NIBAN3: variants seen among roughly 807,000 people sequenced by gnomAD.
NIBAN3 encodes niban apoptosis regulator 3.
NIBAN3 carries 66 observed loss-of-function variants against 76.4 expected under a neutral mutation model. The ratio of observed to expected loss-of-function variants is 0.86; its 90% CI spans 0.71 to 1.06. The LOEUF (loss-of-function observed/expected upper bound fraction) is 1.06, where lower values mean the gene tolerates loss of function less well. Ranked by LOEUF, NIBAN3 falls within the 50% of genes least tolerant of loss-of-function variation. The pLI, the probability that NIBAN3 is intolerant of heterozygous loss-of-function variation, is 0.00. For missense variants in NIBAN3, 808 were observed against 810.7 expected (o/e 1.00, Z 0.04); for synonymous variants, 360 against 355.2 (o/e 1.01, Z -0.15).
At chr19:17,551,320 C>A (rs2076152175) in intron 14 of NIBAN3, among the ~76,000 whole-genome samples, 1 of 151,344 alleles carries the variant, frequency 6.6e-6, no homozygotes. Flanking sequence ...ATTTTGAACT[C>A]CTGACCTCAG....
chr19:17,547,633 G>A (rs1184130243), intron 13 of NIBAN3, among the ~76,000 whole-genome samples: 2 of 150,222 alleles, frequency 1.3e-5, no homozygotes, highest in African/African-American at 2.4e-5. Context: ...GATTACAGGC[G>A]TGAGCCACCG....
Position 17,537,380 on chromosome 19 carries a change from C to A in NIBAN3, c.432C>A (p.Asp144Glu). 8 of 1,613,296 alleles carry A rather than the reference C, an allele frequency of 5.0e-6. No homozygotes were observed. The highest frequency in any genetic ancestry group is 6.8e-6 in the Non-Finnish European group (8 of 1,179,648). ...LDALCPESLG[D>E]HTQEEPDSLL... Reference sequence around the variant, plus strand: ...CGACCTCCTGTTTGTTTTCAGGAGACCATACTCAGGAAGAGCCTGACTCCC... The same window carrying A: ...CGACCTCCTGTTTGTTTTCAGGAGAACATACTCAGGAAGAGCCTGACTCCC... Residue 144 changes from aspartate to glutamate, a missense_variant, in exon 5 of 15, where the codon GAC (aspartate) becomes GAA (glutamate). Physicochemically the swap from Asp to Glu is conservative, Grantham distance 45. Transcript: ENST00000599164.
rs1568468765 is a variant in NIBAN3, at chr19:17,553,555, A to G, written c.*1657A>G. On this transcript the variant is annotated 3_prime_UTR_variant, in exon 15 of 15. Coordinates refer to ENST00000599164, the MANE Select transcript of NIBAN3 (RefSeq NM_001321827.2). ...TGTCTGGAGTTTTCGGCCTACCCCA[A>G]GACAATGAGATATTCCTGACCTTTC... 1.9e-6 allele frequency: 3 copies of G among 1,613,970 alleles called. No individual in the cohort carries two copies. The highest frequency in any genetic ancestry group is 1.1e-5 in the South Asian group (1 of 91,082).
Position 17,533,712 on chromosome 19 carries a change from C to T in NIBAN3, c.427+11C>T, listed in dbSNP as rs530989121. ...GCCCTGAATCCTTGGGTAAGGGTCCCGGGGTTCCCAGGAACAGGTTTCTCC... is the reference window on the plus strand; with the variant it reads ...GCCCTGAATCCTTGGGTAAGGGTCCTGGGGTTCCCAGGAACAGGTTTCTCC... On this transcript the variant is annotated intron_variant, in intron 4 of 14. Coordinates refer to ENST00000599164, the MANE Select transcript of NIBAN3 (RefSeq NM_001321827.2). 24 of 1,600,578 alleles carry T rather than the reference C, an allele frequency of 1.5e-5. No homozygotes were observed. Among genetic ancestry groups the T allele is most frequent in the East Asian group, 4.5e-5 (2 of 44,836 alleles).
At position 17,551,989 on chromosome 19, in the gene NIBAN3, G is replaced by C; in HGVS notation, c.*91G>C. ...ACGGATGTGCCATCTTTAGGCTTTTGTAACCCCTGCAACTTCAGAAAACTG... is the reference window on the plus strand; with the variant it reads ...ACGGATGTGCCATCTTTAGGCTTTTCTAACCCCTGCAACTTCAGAAAACTG... On this transcript the variant is annotated 3_prime_UTR_variant, in exon 15 of 15. Transcript: ENST00000599164. 1 of 625,026 alleles carries C rather than the reference G, an allele frequency of 1.6e-6. No individual in the cohort carries two copies. Among genetic ancestry groups the C allele is most frequent in the Non-Finnish European group, 3.0e-6 (1 of 329,782 alleles). 38.7% of individuals were successfully genotyped at this position (625,026 alleles called of 1,614,324 possible). A position where few individuals can be genotyped will look rare whatever the true frequency, so the allele number is the denominator to read the frequency against.
At position 17,539,333 on chromosome 19, in the gene NIBAN3, C is replaced by T. The variant is rs1248976551; in HGVS notation, c.712-14C>T. 3.0e-5 allele frequency: 47 copies of T among 1,550,010 alleles called. No homozygotes were observed. Among genetic ancestry groups the T allele is most frequent in the Non-Finnish European group, 3.9e-5 (45 of 1,148,078 alleles). On this transcript the variant is annotated splice_polypyrimidine_tract_variant and intron_variant, in intron 6 of 14. Transcript: ENST00000599164. Reference sequence around the variant, plus strand: ...CCCGGCCGACCGCGGCGCCCATGGCCCCCTCTCCTGCAGGTGCTGACCGCG... The same window carrying T: ...CCCGGCCGACCGCGGCGCCCATGGCTCCCTCTCCTGCAGGTGCTGACCGCG...
intron 10 of NIBAN3, 84 bp from the exon 11 acceptor site, chr19:17,543,233 C>A: frequency 1.2e-6 from 1 of 863,456 alleles, no homozygotes; most frequent in Non-Finnish European, 1.8e-6. Context: ...AGGTTGGATG[C>A]TGAGAAGGGG....
chr19:17,532,980 A>G (rs1234918079), intron 3 of NIBAN3, among the ~76,000 whole-genome samples: 1 of 151,982 alleles, frequency 6.6e-6, no homozygotes, highest in Non-Finnish European at 1.5e-5. Context: ...AGGAAAAAAA[A>G]AGGGAGGGAG....
At chr19:17,523,754 T>G (rs567364974), upstream of NIBAN3, among the ~76,000 whole-genome samples, 361 of 152,184 alleles carry the variant, frequency 2.4e-3, 3 homozygotes, top group African/African-American at 8.3e-3. Context: ...AGCCCCTCAC[T>G]CAGTCTCCCT....
chr19:17,534,563 G>A (rs943957424), intron 4 of NIBAN3, among the ~76,000 whole-genome samples: 3 of 152,014 alleles, frequency 2.0e-5, no homozygotes, highest in African/African-American at 4.8e-5. Flanking sequence ...AGGCTGAGGC[G>A]GGCAGATCAT....
At chr19:17,529,317 G>A (rs140925168) in intron 1 of NIBAN3, among the ~76,000 whole-genome samples, 106 of 151,758 alleles carry the variant, frequency 7.0e-4, no homozygotes, top group African/African-American at 2.5e-3. Context: ...TCCTCAAACT[G>A]AGAGGTGTGG....
intron 5 of NIBAN3, among the ~76,000 whole-genome samples, chr19:17,537,753 C>T (rs558303345): frequency 6.6e-6 from 1 of 151,998 alleles, no homozygotes; most frequent in Non-Finnish European, 1.5e-5. Context: ...CGAGACCAGC[C>T]TGGACAACAT....
Position 17,549,468 on chromosome 19 carries a change from A to G in NIBAN3, c.1691A>G (p.Asn564Ser), listed in dbSNP as rs746424871. 6 of 1,613,680 alleles carry G rather than the reference A, an allele frequency of 3.7e-6. No individual in the cohort carries two copies. Among genetic ancestry groups the G allele is most frequent in the African/African-American group, 1.3e-5 (1 of 74,896 alleles). The change falls in exon 14 of 15, where the codon AAT (asparagine) becomes AGT (serine). Residue 564 changes from asparagine (N) to serine (S), a missense_variant. Asn to Ser is a conservative substitution (Grantham distance 46, BLOSUM62 1). Transcript: ENST00000599164. The stretch of plus-strand genomic sequence containing the variant: ...GAATTGAAAAAGACCCTTGGTGCCA[A>G]TGATGTATCCTGCACTCTGGACGGC... ...DQELKKTLGANDVSCTLDGCL... is the reference protein window; with the variant it reads ...DQELKKTLGASDVSCTLDGCL...
At chr19:17,540,619 G>C in intron 9 of NIBAN3, 37 bp downstream of exon 9, 1 of 1,362,964 alleles carries the variant, frequency 7.3e-7, no homozygotes, top group Non-Finnish European at 9.6e-7. Context: ...TGAGCCAGAG[G>C]GTGATGTGTT....
intron 12 of NIBAN3, 29 bp downstream of exon 12, chr19:17,543,660 T>A: frequency 6.4e-7 from 1 of 1,562,392 alleles, no homozygotes. Flanking sequence ...TGCAAGAGGG[T>A]CTGACAGCAT....
At chr19:17,523,625 TCTC>T (rs2075578163), upstream of NIBAN3, among the ~76,000 whole-genome samples, 1 of 152,122 alleles carries the variant, frequency 6.6e-6, no homozygotes, top group Admixed American at 6.5e-5. Flanking sequence ...GCTGTCACCA[TCTC>T]CTACTCTTTG....
chr19:17,547,350 CTT>C lies in NIBAN3; in HGVS notation c.1666+574_1666+575del, dbSNP rs1161818189. Among the ~76,000 whole-genome samples, 5 of 62,702 alleles carry C rather than the reference CTT, an allele frequency of 8.0e-5. No individual in the cohort carries two copies. The East Asian group carries it at 2.4e-3, about 29-fold the overall frequency. 41.1% of individuals were successfully genotyped at this position (62,702 alleles called of 152,430 possible). ...GCCTGGCGACAGAACGAGACTATGT[CTT>C]TTTTTTTTTTTTTTTTTTTTGAGAC... On this transcript the variant is annotated intron_variant, in intron 13 of 14. Transcript: ENST00000599164.
At chr19:17,527,474 G>A in intron 1 of NIBAN3, 79 bp downstream of exon 1, 1 of 1,406,874 alleles carries the variant, frequency 7.1e-7, no homozygotes, top group Admixed American at 2.7e-5. Flanking sequence ...GCTCCATGCA[G>A]CAGATGGGGT....
intron 5 of NIBAN3, among the ~76,000 whole-genome samples, chr19:17,538,471 C>G (rs955325956): frequency 2.0e-5 from 3 of 147,694 alleles, no homozygotes; most frequent in Admixed American, 1.4e-4. Context: ...GGGAATAGGT[C>G]AGGCACAGTG....
Sources: gnomAD v4.1 joint callset for allele counts (sites outside exome capture counted in the v4.1 genomes callset) on GRCh38, gnomAD v4.1.1 for gene constraint, MANE v1.5 for transcripts, NCBI Gene and HGNC (gene_info 2026-07-23, HGNC 2026-07-21) for gene names.